Variants in LRP6 observed in about 807,000 individuals in gnomAD.
The protein encoded by LRP6 is LDL receptor related protein 6, also known as low-density lipoprotein receptor-related protein 6.
In LRP6, 43 loss-of-function variants were observed where a neutral mutation model predicts 184.1. The observed-to-expected ratio is 0.23, with a 90% CI of 0.18 to 0.30. The LOEUF is 0.30. Among genes scored for constraint, LRP6 ranks in the 10% least tolerant of loss-of-function variants. LRP6 has a pLI of 1.00. For missense variants in LRP6, 1,571 were observed against 2,005.3 expected (o/e 0.78, Z 4.14); for synonymous variants, 719 against 684.9 (o/e 1.05, Z -0.78).
intron 7 of LRP6, among the ~76,000 whole-genome samples, chr12:12,173,817 A>C (rs1466578648): frequency 6.6e-6 from 1 of 152,154 alleles, no homozygotes; most frequent in Non-Finnish European, 1.5e-5. Flanking sequence ...AGGAATTCAC[A>C]AATTTCATTG....
At chr12:12,254,143 CAA>C (rs34210761) in intron 1 of LRP6, among the ~76,000 whole-genome samples, 3 of 74,370 alleles carry the variant, frequency 4.0e-5, no homozygotes, top group East Asian at 4.9e-4. Flanking sequence ...GACTCTGTCT[CAA>C]AAAAAAAAAA....
chr12:12,161,726 T>C (rs1346125576), intron 10 of LRP6, among the ~76,000 whole-genome samples: 1 of 152,248 alleles, frequency 6.6e-6, no homozygotes, highest in Non-Finnish European at 1.5e-5. Flanking sequence ...ACAAAGCTAC[T>C]GCCAGTTTAT....
intron 2 of LRP6, among the ~76,000 whole-genome samples, chr12:12,204,826 G>C (rs1038640635): frequency 4.0e-5 from 6 of 150,120 alleles, no homozygotes; most frequent in African/African-American, 1.5e-4. Flanking sequence ...AGTTAGCCAG[G>C]AGTGGTGGTG....
chr12:12,126,752 T>C lies in LRP6; in HGVS notation c.4251A>G (p.Gly1417=), dbSNP rs1192263692. ...ETMTNDYVVH[G]PASVPLGYVP... ...CATAACCAAGAGGCACAGAAGCTGG[T>C]CCATGAACTACATAGTCATTAGTCA... The change falls in exon 20 of 23, where the codon GGA becomes GGG. Residue 1417 remains glycine (G), a synonymous_variant. Transcript: ENST00000261349. 6.2e-7 allele frequency: 1 copy of C among 1,614,112 alleles called. No homozygotes were observed. The highest frequency in any genetic ancestry group is 8.5e-7 in the Non-Finnish European group (1 of 1,179,966).
rs1482189179 is a variant in LRP6, at chr12:12,121,160, G to C, written c.4808C>G (p.Pro1603Arg). Residue 1603 changes from proline to arginine, a missense_variant, in exon 23 of 23, where the codon CCA becomes CGA. Physicochemically the swap from Pro to Arg is moderately radical, Grantham distance 103. Around this residue, in one of 4 missense-constraint regions of LRP6, gnomAD observed 763 missense variants for 859.5 expected, o/e 0.89. Coordinates refer to ENST00000261349, the MANE Select transcript of LRP6 (RefSeq NM_002336.3). ...TERSYSHHLY[P>R]PPPSPCTDSS ...GTCTGTACAGGGAGAGGGTGGCGGT[G>C]GGTAGAGGTGATGAGAATAGCTCCT... The C allele has an allele frequency of 6.2e-7, 1 of 1,613,494 alleles. No individual in the cohort carries two copies. Among genetic ancestry groups the C allele is most frequent in the Non-Finnish European group, 8.5e-7 (1 of 1,179,890 alleles).
intron 3 of LRP6, among the ~76,000 whole-genome samples, chr12:12,200,151 G>A (rs1205245229): frequency 6.6e-6 from 1 of 151,946 alleles, no homozygotes; most frequent in East Asian, 1.9e-4. Context: ...AGAGTAGCTG[G>A]GTGCCCAACA....
chr12:12,164,227 TCTCC>T (rs775232904), intron 9 of LRP6, 42 bp downstream of exon 9: 6 of 1,556,622 alleles, frequency 3.9e-6, no homozygotes, highest in Admixed American at 3.3e-5. Context: ...TTCTAGAAGT[TCTCC>T]CTTTTAGTCC....
intron 1 of LRP6, among the ~76,000 whole-genome samples, chr12:12,247,342 G>A (rs1470361532): frequency 6.6e-6 from 1 of 152,150 alleles, no homozygotes; most frequent in Non-Finnish European, 1.5e-5. Flanking sequence ...AGGACATTAG[G>A]TGGCAGCCAA....
At chr12:12,224,957 C>T (rs1409665915) in intron 2 of LRP6, among the ~76,000 whole-genome samples, 1 of 152,224 alleles carries the variant, frequency 6.6e-6, no homozygotes, top group African/African-American at 2.4e-5. Context: ...GTAATCCCAG[C>T]ACTTTAGGAG....
chr12:12,266,773 G>A lies in LRP6; in HGVS notation c.-38C>T, dbSNP rs747833679. The A allele has an allele frequency of 4.5e-6, 7 of 1,569,908 alleles. No homozygotes were observed. The highest frequency in any genetic ancestry group is 1.1e-5 in the South Asian group (1 of 87,620). Reference sequence around the variant, plus strand: ...CGTTCTCTTCTCTCACCGGCGAGGGGTGGCCAGAAGTGGGGGAGGCGAGGA... The same window carrying A: ...CGTTCTCTTCTCTCACCGGCGAGGGATGGCCAGAAGTGGGGGAGGCGAGGA... On this transcript the variant is annotated 5_prime_UTR_variant, in exon 1 of 23. Transcript: ENST00000261349.
chr12:12,246,864 T>C (rs1157676048), intron 1 of LRP6, among the ~76,000 whole-genome samples: 2 of 152,202 alleles, frequency 1.3e-5, no homozygotes, highest in African/African-American at 4.8e-5. Flanking sequence ...CACTATAGAT[T>C]GTGTCTGTCA....
intron 15 of LRP6, among the ~76,000 whole-genome samples, chr12:12,141,581 T>C (rs941552866): frequency 2.0e-5 from 3 of 152,080 alleles, no homozygotes; most frequent in South Asian, 2.1e-4. Context: ...GTCCAGGAAA[T>C]AGCAGGTTCA....
intron 5 of LRP6, among the ~76,000 whole-genome samples, chr12:12,182,863 A>T (rs1863376682): frequency 6.6e-6 from 1 of 152,252 alleles, no homozygotes; most frequent in Non-Finnish European, 1.5e-5. Flanking sequence ...CTACATGCCA[A>T]ATGCACACAT....
intron 2 of LRP6, among the ~76,000 whole-genome samples, chr12:12,222,617 G>T (rs986371106): frequency 6.6e-6 from 1 of 151,558 alleles, no homozygotes; most frequent in Non-Finnish European, 1.5e-5. Context: ...TCTTGCGGGG[G>T]AAATATTCCA....
intron 7 of LRP6, among the ~76,000 whole-genome samples, chr12:12,167,418 T>G (rs1379296503): frequency 6.6e-6 from 1 of 151,886 alleles, no homozygotes; most frequent in African/African-American, 2.4e-5. Flanking sequence ...CCGAGACGGG[T>G]GGGTCACGAG....
intron 2 of LRP6, among the ~76,000 whole-genome samples, chr12:12,209,131 T>C: frequency 6.6e-6 from 1 of 152,246 alleles, no homozygotes; most frequent in East Asian, 1.9e-4. Context: ...GTTTGAAATG[T>C]TGCCATCACA....
intron 2 of LRP6, among the ~76,000 whole-genome samples, chr12:12,221,092 T>C (rs1368164393): frequency 6.6e-6 from 1 of 152,238 alleles, no homozygotes; most frequent in Non-Finnish European, 1.5e-5. Context: ...ATGTCAATAT[T>C]CGTGAGACTG....
At position 12,134,219 on chromosome 12, in the gene LRP6, AT is replaced by A. The variant is rs1261704060; in HGVS notation, c.3733+955del. Among the ~76,000 whole-genome samples the A allele has an allele frequency of 1.2e-4, 19 of 152,302 alleles. No homozygotes were observed. The South Asian group carries it at 1.4e-3, about 12-fold the overall frequency. Reference sequence around the variant, plus strand: ...TCAATATTTGTTTACAGAAATATATATTTTATGTACTTGTCATTTTGGCAAC... The same window carrying A: ...TCAATATTTGTTTACAGAAATATATATTTATGTACTTGTCATTTTGGCAAC... On this transcript the variant is annotated intron_variant, in intron 17 of 22. Coordinates refer to ENST00000261349, the MANE Select transcript of LRP6 (RefSeq NM_002336.3).
chr12:12,254,666 C>T (rs1306828782), intron 1 of LRP6, among the ~76,000 whole-genome samples: 1 of 152,128 alleles, frequency 6.6e-6, no homozygotes, highest in Non-Finnish European at 1.5e-5. Flanking sequence ...GACTGGAATG[C>T]CACATTTGAA....
Sources: allele counts gnomAD v4.1 joint callset (sites outside exome capture counted in the v4.1 genomes callset), GRCh38; gene constraint gnomAD v4.1.1; regional missense constraint gnomAD v4.1.1; transcripts MANE v1.5; gene names NCBI Gene and HGNC (gene_info 2026-07-23, HGNC 2026-07-21).